WWOX: variants seen among roughly 807,000 people sequenced by gnomAD.
The protein encoded by WWOX is WW domain containing oxidoreductase, also known as WW domain-containing oxidoreductase.
In WWOX, 69 loss-of-function variants were observed where a neutral mutation model predicts 46.2. That is an observed-to-expected ratio of 1.49 (90% CI 1.23 to 1.82). The LOEUF is 1.82. Among genes scored for constraint, WWOX ranks in the 40% most tolerant of loss-of-function variants. The pLI, the probability that WWOX is intolerant of heterozygous loss-of-function variation, is 0.00. For synonymous variants in WWOX, 359 were observed against 202.6 expected, an observed-to-expected ratio of 1.77 and a Z score of -6.56; for missense variants, 919 against 542.6, an observed-to-expected ratio of 1.69 and a Z score of -6.89.
At position 78,923,925 on chromosome 16, in the gene WWOX, G is replaced by A. The variant is rs191910837; in HGVS notation, c.1057-287683G>A. ...TGCCATTCTCCTGCCTCAGCCTCCC[G>A]AGCAGCTGGGAGTACAGGTGCCCGC... On this transcript the variant is annotated intron_variant, in intron 8 of 8. Transcript: ENST00000566780. Among the ~76,000 whole-genome samples the A allele has an allele frequency of 3.0e-4, 45 of 147,748 alleles. No individual in the cohort carries two copies. In the East Asian group the frequency reaches 4.0e-3, roughly 13 times the overall value.
intron 5 of WWOX, among the ~76,000 whole-genome samples, chr16:78,317,924 G>A (rs72792347): frequency 0.018 from 2,707 of 152,254 alleles, 36 homozygotes; most frequent in Non-Finnish European, 0.028. Flanking sequence ...CTCATGCACT[G>A]GCTTTGCGAA....
At chr16:78,556,750 T>G (rs1367562440) in intron 8 of WWOX, among the ~76,000 whole-genome samples, 1 of 152,144 alleles carries the variant, frequency 6.6e-6, no homozygotes, top group Non-Finnish European at 1.5e-5. Flanking sequence ...GACTTTCGCT[T>G]TTTTGCCCAG....
intron 8 of WWOX, among the ~76,000 whole-genome samples, chr16:78,645,603 A>G (rs1488879716): frequency 6.6e-6 from 1 of 152,118 alleles, no homozygotes; most frequent in Non-Finnish European, 1.5e-5. Context: ...ATAGGGAGAA[A>G]GGGAGCAAGA....
chr16:78,493,765 A>C (rs1242311577), intron 8 of WWOX, among the ~76,000 whole-genome samples: 1 of 152,196 alleles, frequency 6.6e-6, no homozygotes, highest in Non-Finnish European at 1.5e-5. Context: ...GGCATACAGA[A>C]GAGATGGAAC....
At chr16:78,694,094 TG>T (rs2048048768) in intron 8 of WWOX, among the ~76,000 whole-genome samples, 1 of 151,980 alleles carries the variant, frequency 6.6e-6, no homozygotes, top group Non-Finnish European at 1.5e-5. Context: ...TACCTAGGCG[TG>T]GTAGTGTGTG....
At chr16:78,756,453 A>G (rs914239139) in intron 8 of WWOX, among the ~76,000 whole-genome samples, 3 of 152,208 alleles carry the variant, frequency 2.0e-5, no homozygotes, top group African/African-American at 7.2e-5. Context: ...GGATTCCAGA[A>G]AAAGATTGAT....
intron 8 of WWOX, among the ~76,000 whole-genome samples, chr16:78,589,921 T>C (rs1254847619): frequency 6.6e-6 from 1 of 152,158 alleles, no homozygotes; most frequent in Admixed American, 6.5e-5. Context: ...AGTTGGCATT[T>C]GTTGGAATTT....
At chr16:79,084,103 C>T (rs2048811637) in intron 8 of WWOX, among the ~76,000 whole-genome samples, 1 of 152,048 alleles carries the variant, frequency 6.6e-6, no homozygotes, top group South Asian at 2.1e-4. Flanking sequence ...GCTGAGAAAC[C>T]AGGGAGAAAC....
At chr16:79,014,225 A>G (rs1378394957) in intron 8 of WWOX, among the ~76,000 whole-genome samples, 1 of 152,152 alleles carries the variant, frequency 6.6e-6, no homozygotes, top group Non-Finnish European at 1.5e-5. Context: ...GATGGTGGTC[A>G]TGGGAGTAGT....
chr16:78,491,063 C>A (rs2084773773), intron 8 of WWOX, among the ~76,000 whole-genome samples: 1 of 152,164 alleles, frequency 6.6e-6, no homozygotes, highest in Non-Finnish European at 1.5e-5. Context: ...CTGAGCTCAC[C>A]AGGCTGAGTC....
At chr16:79,087,512 C>T (rs953563603) in intron 8 of WWOX, among the ~76,000 whole-genome samples, 1 of 151,966 alleles carries the variant, frequency 6.6e-6, no homozygotes, top group African/African-American at 2.4e-5. Flanking sequence ...TAACCCTGTG[C>T]TAGAACAACA....
intron 8 of WWOX, among the ~76,000 whole-genome samples, chr16:79,176,956 C>G (rs2050812282): frequency 6.6e-6 from 1 of 152,154 alleles, no homozygotes; most frequent in African/African-American, 2.4e-5. Flanking sequence ...GTTTCCACCC[C>G]TCCTGCTGAA....
intron 8 of WWOX, among the ~76,000 whole-genome samples, chr16:78,811,128 G>T (rs2051177459): frequency 6.6e-6 from 1 of 152,154 alleles, no homozygotes; most frequent in Non-Finnish European, 1.5e-5. Context: ...AACAAATGAT[G>T]AAAAAGTCTG....
chr16:79,044,127 G>C (rs895967249), intron 8 of WWOX, among the ~76,000 whole-genome samples: 4 of 152,312 alleles, frequency 2.6e-5, no homozygotes, highest in African/African-American at 7.2e-5. Context: ...AAAAGAAAAG[G>C]AACACGTACT....
intron 8 of WWOX, among the ~76,000 whole-genome samples, chr16:78,791,097 CT>C (rs1555536483): frequency 2.6e-5 from 4 of 151,828 alleles, no homozygotes; most frequent in Non-Finnish European, 5.9e-5. Context: ...CACAGGGCCC[CT>C]GAAGGAAGGG....
At chr16:78,553,533 A>C (rs1471358749) in intron 8 of WWOX, among the ~76,000 whole-genome samples, 1 of 152,114 alleles carries the variant, frequency 6.6e-6, no homozygotes, top group East Asian at 1.9e-4. Flanking sequence ...TGTGGTTACC[A>C]GTGAGCTGTC....
rs565775801 is a variant in WWOX at position 78,562,312 on chromosome 16, C to G, written c.1056+129560C>G. ...CTGAGAGCTCACTTTATCTCAAAAA[C>G]CCATGCATATTCTGCATCTACTCTG... On this transcript the variant is annotated intron_variant, in intron 8 of 8. Transcript: ENST00000566780. Among the ~76,000 whole-genome samples, 14 of 152,310 alleles carry G rather than the reference C, an allele frequency of 9.2e-5. No individual in the cohort carries two copies. In the South Asian group the frequency reaches 2.9e-3, roughly 32 times the overall value.
intron 8 of WWOX, among the ~76,000 whole-genome samples, chr16:79,182,112 C>G (rs573737964): frequency 1.1e-4 from 16 of 146,488 alleles, no homozygotes; most frequent in Non-Finnish European, 2.4e-4. Flanking sequence ...CACCAGCCAG[C>G]TGGAGACATT....
At chr16:79,021,982 A>G (rs1212090927) in intron 8 of WWOX, among the ~76,000 whole-genome samples, 2 of 152,214 alleles carry the variant, frequency 1.3e-5, no homozygotes, top group Non-Finnish European at 2.9e-5. Flanking sequence ...GCAGGCACAT[A>G]GTAAGTGCTG....
Sources: gnomAD v4.1 joint callset for allele counts (sites outside exome capture counted in the v4.1 genomes callset) on GRCh38, gnomAD v4.1.1 for gene constraint, MANE v1.5 for transcripts, NCBI Gene and HGNC (gene_info 2026-07-23, HGNC 2026-07-21) for gene names.